Variants in PPP2R2B observed in about 807,000 individuals in gnomAD.
PPP2R2B encodes serine/threonine-protein phosphatase 2A 55 kDa regulatory subunit B beta isoform.
In PPP2R2B, 5 loss-of-function variants were observed where a neutral mutation model predicts 46.0. The ratio of observed to expected loss-of-function variants is 0.11; its 90% confidence interval spans 0.06 to 0.23. The LOEUF is 0.23. Among genes scored for constraint, PPP2R2B ranks in the 10% least tolerant of loss-of-function variants. The pLI is 1.00. For synonymous variants in PPP2R2B, 215 were observed against 206.7 expected, an observed-to-expected ratio of 1.04 and a Z score of -0.34; for missense variants, 367 against 575.0, an observed-to-expected ratio of 0.64 and a Z score of 3.70.
intron 1 of PPP2R2B, among the ~76,000 whole-genome samples, chr5:146,965,956 T>C (rs750336415): frequency 6.6e-6 from 1 of 152,184 alleles, no homozygotes; most frequent in Non-Finnish European, 1.5e-5. Context: ...GGTACAGCAA[T>C]GCAATGCAAT....
At chr5:146,633,118 TG>T (rs1213112626) in intron 7 of PPP2R2B, among the ~76,000 whole-genome samples, 1 of 152,104 alleles carries the variant, frequency 6.6e-6, no homozygotes, top group African/African-American at 2.4e-5. Context: ...AACAAAGCCC[TG>T]TCACTACCGC....
chr5:146,743,557 A>G (rs767263993), intron 2 of PPP2R2B, among the ~76,000 whole-genome samples: 10 of 152,240 alleles, frequency 6.6e-5, no homozygotes, highest in Non-Finnish European at 1.0e-4. Flanking sequence ...ACTAAATGTT[A>G]TGACCTTCTC....
chr5:146,952,540 T>C (rs1226018555), intron 1 of PPP2R2B, among the ~76,000 whole-genome samples: 1 of 152,112 alleles, frequency 6.6e-6, no homozygotes, highest in East Asian at 1.9e-4. Context: ...GACAGTCAAT[T>C]GGATACATAG....
intron 1 of PPP2R2B, among the ~76,000 whole-genome samples, chr5:146,954,922 T>C (rs1751815452): frequency 6.6e-6 from 1 of 152,104 alleles, no homozygotes. Context: ...CAAACTTCAC[T>C]GACCATCAGA....
At chr5:147,055,638 C>G in intron 1 of PPP2R2B, 1 of 1,586,448 alleles carries the variant, frequency 6.3e-7, no homozygotes, top group Non-Finnish European at 8.7e-7. Context: ...CCCACCCACC[C>G]AGACACTCTC....
At chr5:147,055,105 A>AC (rs1206233206) in intron 1 of PPP2R2B, among the ~76,000 whole-genome samples, 1 of 152,076 alleles carries the variant, frequency 6.6e-6, no homozygotes, top group South Asian at 2.1e-4. Flanking sequence ...TTAACTTAGG[A>AC]CCCCCAGAAA....
Position 146,967,565 on chromosome 5 carries a change from T to TCC in PPP2R2B, c.79+88098_79+88099dup, listed in dbSNP as rs944252440. ...CAGGCAGTTTCCTTCCAGGATACAC[T>TCC]CCTAAGCACCAGTGGCCATCCTAGG... On this transcript the variant is annotated intron_variant, in intron 1 of 8. Transcript: ENST00000336640. 9.2e-4 allele frequency among the ~76,000 whole-genome samples: 140 copies of TCC among 152,248 alleles called. 1 individual carries two copies. The highest frequency in any genetic ancestry group is 3.1e-3 in the African/African-American group (129 of 41,540).
chr5:146,758,596 G>A (rs556221101), intron 2 of PPP2R2B, among the ~76,000 whole-genome samples: 21 of 152,184 alleles, frequency 1.4e-4, no homozygotes, highest in African/African-American at 4.3e-4. Flanking sequence ...TTGGCTCCAT[G>A]AGACGCCACA....
At chr5:146,622,184 A>ATCTT (rs1773749674) in intron 7 of PPP2R2B, among the ~76,000 whole-genome samples, 1 of 152,140 alleles carries the variant, frequency 6.6e-6, no homozygotes, top group African/African-American at 2.4e-5. Context: ...CTTTGCCTAG[A>ATCTT]TCTTTGACTT....
chr5:147,008,254 G>T (rs1223155905), intron 1 of PPP2R2B, among the ~76,000 whole-genome samples: 1 of 152,104 alleles, frequency 6.6e-6, no homozygotes, highest in Non-Finnish European at 1.5e-5. Flanking sequence ...CCCAACTTAT[G>T]GACTTTTTGT....
chr5:147,069,783 C>CTTTTTTT lies in PPP2R2B; in HGVS notation c.50+11275_50+11276insAAAAAAA, dbSNP rs1561611794. Among the ~76,000 whole-genome samples the CTTTTTTT allele has an allele frequency of 4.1e-3, 197 of 48,194 alleles. 2 individuals carry two copies. Among genetic ancestry groups the CTTTTTTT allele is most frequent in the South Asian group, 5.8e-3 (9 of 1,564 alleles). The allele number at this position is 48,194 out of a possible 152,430, so 31.6% of individuals were successfully genotyped here. On this transcript the variant is annotated intron_variant, in intron 2 of 10. Coordinates refer to the PPP2R2B transcript ENST00000394413. ...CACTCCCACATGAACACATTTTATA[C>CTTTTTTT]TGTTTTTTTTTTTTTTTTTTTTTTT... is the stretch of plus-strand genomic sequence containing the variant.
intron 2 of PPP2R2B, among the ~76,000 whole-genome samples, chr5:146,770,820 A>T (rs777780373): frequency 6.6e-6 from 1 of 152,212 alleles, no homozygotes; most frequent in Non-Finnish European, 1.5e-5. Flanking sequence ...TTGGGGGCCA[A>T]GAAATAGCTC....
At chr5:146,745,160 CAGAGAGAGAGAGAGAGAGAGAG>C (rs747573157) in intron 2 of PPP2R2B, among the ~76,000 whole-genome samples, 22 of 94,950 alleles carry the variant, frequency 2.3e-4, no homozygotes, top group African/African-American at 8.8e-4. Flanking sequence ...CAGAGAAAGA[CAGAGAGAGAGAGAGAGAGAGAG>C]AGAGAGAGAG....
At chr5:146,702,599 T>G (rs2151169269) in intron 2 of PPP2R2B, among the ~76,000 whole-genome samples, 1 of 152,360 alleles carries the variant, frequency 6.6e-6, no homozygotes, top group African/African-American at 2.4e-5. Context: ...CCTGATGTTC[T>G]CATTGTTTAA....
At chr5:146,638,440 A>G in intron 6 of PPP2R2B, 25 bp from the exon 7 acceptor site, 1 of 1,559,852 alleles carries the variant, frequency 6.4e-7, no homozygotes. Flanking sequence ...TCAAGGAAGG[A>G]ACCAGGAGAA....
intron 2 of PPP2R2B, among the ~76,000 whole-genome samples, chr5:146,767,822 C>T (rs1408252215): frequency 6.6e-6 from 1 of 152,164 alleles, no homozygotes; most frequent in Non-Finnish European, 1.5e-5. Flanking sequence ...TAGCATGACA[C>T]GTATCTACCA....
chr5:147,026,856 C>G (rs1755548603), intron 1 of PPP2R2B, among the ~76,000 whole-genome samples: 1 of 152,098 alleles, frequency 6.6e-6, no homozygotes, highest in South Asian at 2.1e-4. Context: ...GAGAGTGTAA[C>G]TACTTTGGAA....
At chr5:146,818,272 C>T (rs1165609284) in intron 2 of PPP2R2B, among the ~76,000 whole-genome samples, 1 of 151,310 alleles carries the variant, frequency 6.6e-6, no homozygotes, top group Non-Finnish European at 1.5e-5. Flanking sequence ...GTGTCTGGCA[C>T]ATAAGACAGC....
intron 2 of PPP2R2B, among the ~76,000 whole-genome samples, chr5:146,847,914 A>G (rs1006958892): frequency 5.9e-5 from 9 of 152,314 alleles, no homozygotes; most frequent in Non-Finnish European, 1.3e-4. Flanking sequence ...TTGGCAGCCT[A>G]TGTTGACTTG....
Sources: allele counts gnomAD v4.1 joint callset (sites outside exome capture counted in the v4.1 genomes callset), GRCh38; gene constraint gnomAD v4.1.1; transcripts MANE v1.5; gene names NCBI Gene and HGNC (gene_info 2026-07-23, HGNC 2026-07-21).